B3GALT1: variants seen among roughly 807,000 people sequenced by gnomAD.
B3GALT1 encodes the protein UDP-Gal:betaGlcNAc beta 1,3-galactosyltransferase, polypeptide 1.
In B3GALT1, 10 loss-of-function variants were observed where a neutral mutation model predicts 23.2. The observed-to-expected ratio is 0.43, with a 90% CI of 0.27 to 0.73. The LOEUF is 0.73. Ranked by LOEUF, B3GALT1 falls within the 30% of genes least tolerant of loss-of-function variation. The pLI is 0.21. For synonymous variants in B3GALT1, 156 were observed against 141.5 expected (o/e 1.10, Z -0.73); for missense variants, 299 against 405.4 (o/e 0.74, Z 2.25).
rs150247479 is a variant in B3GALT1, at chr2:167,454,268, G to A, written c.-510-35909G>A. Among the ~76,000 whole-genome samples the A allele has an allele frequency of 6.5e-3, 987 of 152,258 alleles. 13 individuals are homozygous for A. The highest frequency in any genetic ancestry group is 0.023 in the African/African-American group (945 of 41,554). On this transcript the variant is annotated intron_variant, in intron 1 of 4. Transcript: ENST00000392690. ...GTGTGCACGTGCACGTAAACCATAG[G>A]CAGAGCCAACTATATGCGAATAGGA... is the stretch of plus-strand genomic sequence containing the variant.
In B3GALT1 at chr2:167,872,092, CG is replaced by C. The variant is rs1690361541; in HGVS notation, c.*2076del. On this transcript the variant is annotated 3_prime_UTR_variant, in exon 5 of 5. Coordinates refer to ENST00000392690, the MANE Select transcript of B3GALT1 (RefSeq NM_020981.4). Reference sequence around the variant, plus strand: ...AATTTTTTTGTATTTTTAGTAGAGACGGGGTTTCACCGTGTTAGCCAGGATG... The same window carrying C: ...AATTTTTTTGTATTTTTAGTAGAGACGGGTTTCACCGTGTTAGCCAGGATG... 1 of 151,048 alleles carries C rather than the reference CG, an allele frequency of 6.6e-6. No individual in the cohort carries two copies. The allele number at this position is 151,048 out of a possible 1,614,324, so 9.4% of individuals were successfully genotyped here. A position where few individuals can be genotyped will look rare whatever the true frequency, so the allele number is the denominator to read the frequency against.
chr2:167,867,795 A>G (rs1690263443), intron 4 of B3GALT1, among the ~76,000 whole-genome samples: 1 of 152,214 alleles, frequency 6.6e-6, no homozygotes, highest in African/African-American at 2.4e-5. Flanking sequence ...ACATGAATGG[A>G]CTTCATAACC....
rs1341922450 is a variant in B3GALT1 at position 167,870,860 on chromosome 2, T to C, written c.*840T>C. The C allele has an allele frequency of 6.0e-6, 1 of 167,090 alleles. No individual in the cohort carries two copies. The highest frequency in any genetic ancestry group is 1.5e-5 in the Non-Finnish European group (1 of 68,124). The allele number at this position is 167,090 out of a possible 1,614,324, so 10.4% of individuals were successfully genotyped here. On this transcript the variant is annotated 3_prime_UTR_variant, in exon 5 of 5. Transcript: ENST00000392690. Reference sequence around the variant, plus strand: ...ACAGTTTTTGGATCTGGCAGGCATATGTCTCTATGTAGAAAATAAGTTGGT... The same window carrying C: ...ACAGTTTTTGGATCTGGCAGGCATACGTCTCTATGTAGAAAATAAGTTGGT...
intron 1 of B3GALT1, among the ~76,000 whole-genome samples, chr2:167,320,910 G>A (rs1436520860): frequency 6.6e-6 from 1 of 151,654 alleles, no homozygotes; most frequent in African/African-American, 2.4e-5. Flanking sequence ...CGTGAAAACA[G>A]CATCCCTCCC....
chr2:167,611,289 A>G (rs1181728203), intron 2 of B3GALT1, among the ~76,000 whole-genome samples: 1 of 152,056 alleles, frequency 6.6e-6, no homozygotes, highest in East Asian at 1.9e-4. Flanking sequence ...AGGCATATGT[A>G]CACTTTCCCA....
intron 1 of B3GALT1, among the ~76,000 whole-genome samples, chr2:167,486,281 C>T (rs188367774): frequency 2.2e-3 from 319 of 144,604 alleles, no homozygotes; most frequent in Middle Eastern, 4.2e-3. Context: ...ATTGCTGGAA[C>T]CCAGGAGGCA....
intron 3 of B3GALT1, among the ~76,000 whole-genome samples, chr2:167,686,183 A>T (rs1038532476): frequency 2.6e-5 from 4 of 152,204 alleles, no homozygotes; most frequent in African/African-American, 4.8e-5. Flanking sequence ...TTTTAATAAA[A>T]TCTTTTAATA....
chr2:167,564,424 G>A lies in B3GALT1; in HGVS notation c.-410+74147G>A, dbSNP rs189750457. 3.9e-3 allele frequency among the ~76,000 whole-genome samples: 595 copies of A among 151,458 alleles called. 3 individuals carry two copies. The highest frequency in any genetic ancestry group is 0.013 in the African/African-American group (538 of 41,318). On this transcript the variant is annotated intron_variant, in intron 2 of 4. Coordinates refer to ENST00000392690, the MANE Select transcript of B3GALT1 (RefSeq NM_020981.4). ...GCTCCCCACATCCCAGACGATGGGC[G>A]GCCAGGCGGAGACGCTCCCCACCTC...
intron 3 of B3GALT1, among the ~76,000 whole-genome samples, chr2:167,700,976 A>G (rs762471637): frequency 2.6e-5 from 4 of 152,230 alleles, no homozygotes; most frequent in Non-Finnish European, 2.9e-5. Flanking sequence ...TGCCCTCGTA[A>G]TAATAGTAAC....
At chr2:167,751,337 C>CAACA (rs1169193928) in intron 3 of B3GALT1, among the ~76,000 whole-genome samples, 1 of 152,102 alleles carries the variant, frequency 6.6e-6, no homozygotes, top group Non-Finnish European at 1.5e-5. Context: ...AGACCCTAGG[C>CAACA]AACAAGTACT....
intron 4 of B3GALT1, among the ~76,000 whole-genome samples, chr2:167,843,192 T>C (rs73021267): frequency 0.017 from 2,644 of 152,332 alleles, 84 homozygotes; most frequent in African/African-American, 0.06. Context: ...CTGTAAATTT[T>C]CGTAAACATT....
At chr2:167,778,920 G>A (rs1688205155) in intron 3 of B3GALT1, among the ~76,000 whole-genome samples, 1 of 152,204 alleles carries the variant, frequency 6.6e-6, no homozygotes, top group African/African-American at 2.4e-5. Flanking sequence ...AAGATACATA[G>A]GATCATTCTC....
chr2:167,315,358 AT>A (rs914238839), intron 1 of B3GALT1, among the ~76,000 whole-genome samples: 26 of 150,152 alleles, frequency 1.7e-4, no homozygotes, highest in South Asian at 1.1e-3. Flanking sequence ...GAAAACACTA[AT>A]TTTTTTTTTA....
intron 2 of B3GALT1, among the ~76,000 whole-genome samples, chr2:167,612,346 T>C (rs1489005230): frequency 6.7e-6 from 1 of 148,680 alleles, no homozygotes; most frequent in Non-Finnish European, 1.5e-5. Flanking sequence ...GTCAAATGGT[T>C]TTAGCAGATA....
intron 1 of B3GALT1, among the ~76,000 whole-genome samples, chr2:167,445,396 C>T (rs896926274): frequency 6.6e-6 from 1 of 152,176 alleles, no homozygotes; most frequent in Non-Finnish European, 1.5e-5. Context: ...TGGTGCAGAG[C>T]TGAGTTAAAT....
intron 2 of B3GALT1, among the ~76,000 whole-genome samples, chr2:167,603,579 G>T (rs1427739336): frequency 6.6e-6 from 1 of 152,170 alleles, no homozygotes; most frequent in African/African-American, 2.4e-5. Flanking sequence ...TTGCACTTGT[G>T]ATCCTTACAT....
Position 167,871,749 on chromosome 2 carries a change from C to T in B3GALT1, c.*1729C>T, listed in dbSNP as rs1181334573. On this transcript the variant is annotated 3_prime_UTR_variant, in exon 5 of 5. Transcript: ENST00000392690. ...CTAAGAAATTTGAGCGCAGGTAAAG[C>T]TAGTTCACCTCTTTCAGAAGCAGCA... The T allele has an allele frequency of 6.6e-6, 1 of 152,176 alleles. No homozygotes were observed. Among genetic ancestry groups the T allele is most frequent in the Middle Eastern group, 3.1e-3 (1 of 318 alleles). 9.4% of individuals were successfully genotyped at this position (152,176 alleles called of 1,614,324 possible).
chr2:167,657,707 G>A (rs6745253), intron 3 of B3GALT1, among the ~76,000 whole-genome samples: 89,967 of 151,932 alleles, frequency 0.59, 30,332 homozygotes, highest in Non-Finnish European at 0.74. Flanking sequence ...ATAGTGATAG[G>A]TACTGTGGTG....
At position 167,490,501 on chromosome 2, in the gene B3GALT1, T is replaced by C. The variant is rs1048426815; in HGVS notation, c.-410+224T>C. ...GGATAATATGTAGAAACAAGAGTAA[T>C]TGCAAAGCATCAGTCTAACCACTTT... On this transcript the variant is annotated intron_variant, in intron 2 of 4. Coordinates refer to ENST00000392690, the MANE Select transcript of B3GALT1 (RefSeq NM_020981.4). Among the ~76,000 whole-genome samples the C allele has an allele frequency of 5.9e-5, 9 of 152,232 alleles. 1 individual carries two copies. The highest frequency in any genetic ancestry group is 2.2e-4 in the African/African-American group (9 of 41,466).
Sources: allele counts gnomAD v4.1 joint callset (sites outside exome capture counted in the v4.1 genomes callset), GRCh38; gene constraint gnomAD v4.1.1; transcripts MANE v1.5; gene names NCBI Gene and HGNC (gene_info 2026-07-23, HGNC 2026-07-21).